NPEPPS: variants seen among roughly 807,000 people sequenced by gnomAD.
NPEPPS encodes the protein aminopeptidase puromycin sensitive.
NPEPPS carries 14 observed loss-of-function variants against 115.5 expected under a neutral mutation model. That is an observed-to-expected ratio of 0.12 (90% CI 0.08 to 0.19). NPEPPS has a LOEUF of 0.19. Among genes scored for constraint, NPEPPS ranks in the 10% least tolerant of loss-of-function variants. The pLI is 1.00. For missense variants in NPEPPS, 523 were observed against 1,110.8 expected (o/e 0.47, Z 7.52); for synonymous variants, 285 against 390.6 (o/e 0.73, Z 3.19).
At chr17:47,615,869 C>A (rs2143973270) in intron 19 of NPEPPS, among the ~76,000 whole-genome samples, 1 of 152,282 alleles carries the variant, frequency 6.6e-6, no homozygotes, top group East Asian at 1.9e-4. Context: ...GGAAATAGCT[C>A]TAATGAAGGC....
chr17:47,538,756 C>G (rs112400509), intron 1 of NPEPPS, among the ~76,000 whole-genome samples: 3 of 151,558 alleles, frequency 2.0e-5, no homozygotes, highest in African/African-American at 7.3e-5. Context: ...TCTCGAACTC[C>G]TGACCTTGTG....
chr17:47,616,929 T>C (rs1158167810), intron 19 of NPEPPS, among the ~76,000 whole-genome samples: 2 of 151,664 alleles, frequency 1.3e-5, no homozygotes, highest in Non-Finnish European at 1.5e-5. Context: ...CCAGACACTC[T>C]GGTCAGTGTT....
At chr17:47,609,223 G>A (rs969058184) in intron 17 of NPEPPS, among the ~76,000 whole-genome samples, 2 of 152,152 alleles carry the variant, frequency 1.3e-5, no homozygotes, top group Non-Finnish European at 2.9e-5. Flanking sequence ...ATAATCAAGA[G>A]GAGTTGAGGT....
At chr17:47,544,413 T>C (rs1273411464) in intron 1 of NPEPPS, among the ~76,000 whole-genome samples, 1 of 152,172 alleles carries the variant, frequency 6.6e-6, no homozygotes, top group Admixed American at 6.5e-5. Flanking sequence ...GAAGGCCTCA[T>C]GGTGAGTTCG....
intron 1 of NPEPPS, among the ~76,000 whole-genome samples, chr17:47,536,641 C>T (rs528291088): frequency 6.6e-6 from 1 of 151,050 alleles, no homozygotes; most frequent in South Asian, 2.1e-4. Flanking sequence ...GTGATCCACC[C>T]ACCTCAGCCT....
upstream of NPEPPS, chr17:47,531,039 C>T (rs1248248021): frequency 1.1e-5 from 3 of 280,586 alleles, no homozygotes; most frequent in Non-Finnish European, 1.9e-5. Flanking sequence ...CGCCCTCTGC[C>T]CAGGCGTGCG....
chr17:47,538,553 A>G (rs577722607), intron 1 of NPEPPS, among the ~76,000 whole-genome samples: 21 of 116,560 alleles, frequency 1.8e-4, no homozygotes, highest in Middle Eastern at 6.0e-3. Flanking sequence ...TTTTGGAGAC[A>G]GAGTCTTGCT....
chr17:47,598,986 TA>T (rs1036198680), intron 13 of NPEPPS, among the ~76,000 whole-genome samples: 1 of 152,110 alleles, frequency 6.6e-6, no homozygotes. Flanking sequence ...ACCCTGTCTC[TA>T]AAAAAACTAA....
intron 21 of NPEPPS, 144 bp from the exon 22 acceptor site, chr17:47,619,593 T>G: frequency 2.8e-6 from 2 of 713,176 alleles, no homozygotes; most frequent in East Asian, 5.0e-5. Flanking sequence ...ACTGGCTTTA[T>G]TTAAGGACTT....
chr17:47,567,613 G>A (rs1339887282), intron 2 of NPEPPS, among the ~76,000 whole-genome samples: 1 of 151,772 alleles, frequency 6.6e-6, no homozygotes, highest in Non-Finnish European at 1.5e-5. Context: ...GCGGTTTTTA[G>A]TCTATTTACA....
chr17:47,605,330 C>T lies in NPEPPS; in HGVS notation c.1876-3C>T. 1 of 1,586,062 alleles carries T rather than the reference C, an allele frequency of 6.3e-7. No individual in the cohort carries two copies. Among genetic ancestry groups the T allele is most frequent in the Non-Finnish European group, 8.6e-7 (1 of 1,168,350 alleles). On this transcript the variant is annotated splice_region_variant and splice_polypyrimidine_tract_variant and intron_variant, in intron 16 of 22. Coordinates refer to ENST00000322157, the MANE Select transcript of NPEPPS (RefSeq NM_006310.4). ...GGTTAATTTATGTTTTTTCCTATCC[C>T]AGGCTCGAGCTGGAATCATTAGCAC...
At chr17:47,602,529 T>C (rs1461293623) in intron 15 of NPEPPS, among the ~76,000 whole-genome samples, 1 of 150,720 alleles carries the variant, frequency 6.6e-6, no homozygotes, top group Non-Finnish European at 1.5e-5. Context: ...TCCCAGCTAC[T>C]CAGTAGGCTG....
intron 3 of NPEPPS, among the ~76,000 whole-genome samples, chr17:47,576,083 C>T (rs1326899093): frequency 6.6e-6 from 1 of 152,078 alleles, no homozygotes; most frequent in African/African-American, 2.4e-5. Flanking sequence ...TGTGTTTAGC[C>T]TCATCAAATT....
At chr17:47,568,080 T>C (rs1164320096) in intron 2 of NPEPPS, among the ~76,000 whole-genome samples, 1 of 152,226 alleles carries the variant, frequency 6.6e-6, no homozygotes, top group Non-Finnish European at 1.5e-5. Flanking sequence ...ATTGCCAAAC[T>C]GTTTTCCAAA....
At chr17:47,544,759 G>A (rs1909075010) in intron 1 of NPEPPS, among the ~76,000 whole-genome samples, 1 of 140,158 alleles carries the variant, frequency 7.1e-6, no homozygotes, top group Non-Finnish European at 1.5e-5. Flanking sequence ...TGTCGCCCAG[G>A]CTGCAGTGCA....
At chr17:47,571,306 C>T (rs1343579617) in intron 3 of NPEPPS, among the ~76,000 whole-genome samples, 4 of 151,978 alleles carry the variant, frequency 2.6e-5, no homozygotes, top group African/African-American at 4.8e-5. Flanking sequence ...CTGATTTTCA[C>T]AATTTTCCTA....
Position 47,616,052 on chromosome 17 carries a change from C to T in NPEPPS, c.2296-2298C>T, listed in dbSNP as rs941536460. On this transcript the variant is annotated intron_variant, in intron 19 of 22. Coordinates refer to ENST00000322157, the MANE Select transcript of NPEPPS (RefSeq NM_006310.4). Reference sequence around the variant, plus strand: ...AATAACAGTTCTCTATGGAGGAAAACGCTTCCTGAAAGCCAGAGGTTCAGA... The same window carrying T: ...AATAACAGTTCTCTATGGAGGAAAATGCTTCCTGAAAGCCAGAGGTTCAGA... Among the ~76,000 whole-genome samples the T allele has an allele frequency of 7.9e-5, 12 of 152,240 alleles. No homozygotes were observed. The East Asian group carries it at 1.7e-3, about 22-fold the overall frequency.
chr17:47,564,451 G>A (rs2644348), intron 2 of NPEPPS, among the ~76,000 whole-genome samples: 3 of 151,908 alleles, frequency 2.0e-5, no homozygotes, highest in Non-Finnish European at 2.9e-5. Flanking sequence ...TTGAATAATC[G>A]TATATACCTT....
intron 2 of NPEPPS, among the ~76,000 whole-genome samples, chr17:47,558,488 G>T (rs990499471): frequency 6.6e-6 from 1 of 152,180 alleles, no homozygotes; most frequent in Middle Eastern, 3.4e-3. Flanking sequence ...GGAGTGCAGT[G>T]GCTAGATCTC....
Sources: allele counts gnomAD v4.1 joint callset (sites outside exome capture counted in the v4.1 genomes callset), GRCh38; gene constraint gnomAD v4.1.1; transcripts MANE v1.5; gene names NCBI Gene and HGNC (gene_info 2026-07-23, HGNC 2026-07-21).